MBNL2: variants seen among roughly 807,000 people sequenced by gnomAD.
The protein encoded by MBNL2 is muscleblind-like protein 2.
In MBNL2, 17 loss-of-function variants were observed where a neutral mutation model predicts 41.9. That is an observed-to-expected ratio of 0.41 (90% CI 0.28 to 0.61). MBNL2 has a LOEUF of 0.61. Ranked by LOEUF, MBNL2 falls within the 20% of genes least tolerant of loss-of-function variation. The probability of loss-of-function intolerance (pLI) is 0.35; values close to 1 mark genes in which losing one functional copy is unlikely to be tolerated. For missense variants in MBNL2, 336 were observed against 505.6 expected, an observed-to-expected ratio of 0.66 and a Z score of 3.22; for synonymous variants, 195 against 182.9, an observed-to-expected ratio of 1.07 and a Z score of -0.53.
intron 5 of MBNL2, among the ~76,000 whole-genome samples, chr13:97,348,584 C>T (rs2062118846): frequency 6.6e-6 from 1 of 152,118 alleles, no homozygotes; most frequent in Non-Finnish European, 1.5e-5. Context: ...ATAAATCAGT[C>T]AGGTTTCCTT....
intron 8 of MBNL2, among the ~76,000 whole-genome samples, chr13:97,368,700 TTGTGTG>T (rs140107508): frequency 9.3e-4 from 138 of 148,364 alleles, no homozygotes; most frequent in Non-Finnish European, 1.7e-3. Flanking sequence ...ATATTCAAGT[TTGTGTG>T]TGTGTGTGTG....
At chr13:97,192,235 G>A in the MBNL2 span, among the ~76,000 whole-genome samples, 4 of 152,120 alleles carry the variant, frequency 2.6e-5, no homozygotes, top group Non-Finnish European at 2.9e-5. Context: ...CATTGTTCAC[G>A]CTTTCCCAAA....
At chr13:97,381,307 G>A (rs774865799) in intron 8 of MBNL2, among the ~76,000 whole-genome samples, 4 of 152,004 alleles carry the variant, frequency 2.6e-5, no homozygotes, top group Non-Finnish European at 4.4e-5. Flanking sequence ...TCCTTTTACT[G>A]CATTTTAGCA....
At chr13:97,143,874 TG>T in the MBNL2 span, among the ~76,000 whole-genome samples, 1 of 152,148 alleles carries the variant, frequency 6.6e-6, no homozygotes, top group Non-Finnish European at 1.5e-5. Context: ...GACAGAGTCT[TG>T]CTCTGTCACC....
intron 2 of MBNL2, among the ~76,000 whole-genome samples, chr13:97,309,139 C>T (rs1383009038): frequency 1.3e-5 from 2 of 152,134 alleles, no homozygotes; most frequent in East Asian, 3.9e-4. Context: ...TAAATAACAA[C>T]AACACATAGG....
chr13:97,159,419 G>A, the MBNL2 span, among the ~76,000 whole-genome samples: 3 of 151,640 alleles, frequency 2.0e-5, no homozygotes, highest in Admixed American at 2.0e-4. Flanking sequence ...AGTGTTATGT[G>A]TGAATTTGAT....
At chr13:97,251,781 G>A (rs1445997003) in intron 1 of MBNL2, among the ~76,000 whole-genome samples, 3 of 144,750 alleles carry the variant, frequency 2.1e-5, no homozygotes, top group African/African-American at 7.6e-5. Context: ...ACTTACTGAA[G>A]AATAAGGCAT....
At chr13:97,217,356 G>C (rs2040468673), upstream of MBNL2, among the ~76,000 whole-genome samples, 1 of 152,114 alleles carries the variant, frequency 6.6e-6, no homozygotes, top group South Asian at 2.1e-4. Context: ...GGAAAGACAT[G>C]GTTCATTCCC....
intron 1 of MBNL2, among the ~76,000 whole-genome samples, chr13:97,263,110 A>G (rs959700465): frequency 2.0e-5 from 3 of 151,826 alleles, no homozygotes; most frequent in Non-Finnish European, 2.9e-5. Flanking sequence ...TGATCCATCT[A>G]TTTCCTACAC....
chr13:97,312,621 T>C (rs1264048712), intron 2 of MBNL2, among the ~76,000 whole-genome samples: 2 of 152,224 alleles, frequency 1.3e-5, no homozygotes, highest in Non-Finnish European at 2.9e-5. Flanking sequence ...CTTCTCCTCA[T>C]TGGTCTTCAT....
the MBNL2 span, among the ~76,000 whole-genome samples, chr13:97,147,403 T>C: frequency 6.6e-6 from 1 of 152,196 alleles, no homozygotes; most frequent in Non-Finnish European, 1.5e-5. Flanking sequence ...CCAAGCACTG[T>C]AACTTTGGCT....
At position 97,393,765 on chromosome 13, in the gene MBNL2, T is replaced by C. The variant is rs1227777219; in HGVS notation, c.*2316T>C. 6.6e-6 allele frequency: 1 copy of C among 152,520 alleles called. No homozygotes were observed. The highest frequency in any genetic ancestry group is 6.6e-5 in the Admixed American group (1 of 15,264). The allele number at this position is 152,520 out of a possible 1,614,324, so 9.4% of individuals were successfully genotyped here. On this transcript the variant is annotated 3_prime_UTR_variant, in exon 9 of 9. Transcript: ENST00000679496. Reference sequence around the variant, plus strand: ...TTGTTTATATTCAGAAGTCTGACTATGATGAATAAATCTTAAATGCTTTGT... The same window carrying C: ...TTGTTTATATTCAGAAGTCTGACTACGATGAATAAATCTTAAATGCTTTGT...
At chr13:97,356,212 C>A (rs1039003602) in intron 5 of MBNL2, among the ~76,000 whole-genome samples, 1 of 151,840 alleles carries the variant, frequency 6.6e-6, no homozygotes, top group Admixed American at 6.6e-5. Flanking sequence ...CCAACAGTTT[C>A]GCCTAAATAA....
At position 97,394,076 on chromosome 13, in the gene MBNL2, T is replaced by A. The variant is rs2066464898; in HGVS notation, c.*2627T>A. ...GTTTTGGTTGTAATATTCAGTTCAC[T>A]CACCCAATGTACAACCAATGAAATA... On this transcript the variant is annotated 3_prime_UTR_variant, in exon 9 of 9. Transcript: ENST00000679496. 2 of 152,642 alleles carry A rather than the reference T, an allele frequency of 1.3e-5. No homozygotes were observed. The highest frequency in any genetic ancestry group is 4.8e-5 in the African/African-American group (2 of 41,474). The allele number at this position is 152,642 out of a possible 1,614,324, so 9.5% of individuals were successfully genotyped here.
At chr13:97,187,456 A>G in the MBNL2 span, among the ~76,000 whole-genome samples, 1 of 151,838 alleles carries the variant, frequency 6.6e-6, no homozygotes, top group Admixed American at 6.6e-5. Context: ...AAATAGGAGA[A>G]GCAATCTCCT....
intron 8 of MBNL2, among the ~76,000 whole-genome samples, chr13:97,367,676 G>A (rs2063970641): frequency 6.6e-6 from 1 of 152,152 alleles, no homozygotes; most frequent in African/African-American, 2.4e-5. Flanking sequence ...TAAACCCCGT[G>A]ACAGTGCTGA....
rs555253377 is a variant in MBNL2 at position 97,378,144 on chromosome 13, T to C, written c.1048+12973T>C. On this transcript the variant is annotated intron_variant, in intron 8 of 8. Coordinates refer to ENST00000679496, the MANE Select transcript of MBNL2 (RefSeq NM_001382683.1). ...GAAATGAAAATAATTGAAATATTAC[T>C]ATATAATATTACTTAATTGAAACAT... is the stretch of plus-strand genomic sequence containing the variant. Among the ~76,000 whole-genome samples the C allele has an allele frequency of 1.4e-4, 21 of 152,380 alleles. No individual in the cohort carries two copies. The South Asian group carries it at 4.1e-3, about 30-fold the overall frequency.
At chr13:97,248,232 C>T (rs1320873772) in intron 1 of MBNL2, among the ~76,000 whole-genome samples, 1 of 152,236 alleles carries the variant, frequency 6.6e-6, no homozygotes, top group African/African-American at 2.4e-5. Context: ...AGCGATTCTC[C>T]TGCCTCAGCC....
the MBNL2 span, among the ~76,000 whole-genome samples, chr13:97,190,495 A>G: frequency 2.0e-5 from 3 of 152,208 alleles, no homozygotes; most frequent in Admixed American, 6.5e-5. Context: ...TTGAAAAGCC[A>G]TGTTTATTAC....
Sources: allele counts gnomAD v4.1 joint callset (sites outside exome capture counted in the v4.1 genomes callset), GRCh38; gene constraint gnomAD v4.1.1; transcripts MANE v1.5; gene names NCBI Gene and HGNC (gene_info 2026-07-23, HGNC 2026-07-21).